Variants in DHRSX observed in about 807,000 individuals in gnomAD.
The protein encoded by DHRSX is polyprenol dehydrogenase.
Under a neutral mutation model 34.0 loss-of-function variants are expected in DHRSX, and 31 were observed. That is an observed-to-expected ratio of 0.91 (90% CI 0.69 to 1.23). The LOEUF is 1.23. Ranked by LOEUF, DHRSX falls within the 50% of genes most tolerant of loss-of-function variation. DHRSX has a pLI of 0.00. For synonymous variants in DHRSX, 201 were observed against 183.8 expected (o/e 1.09, Z -0.76); for missense variants, 414 against 428.1 (o/e 0.97, Z 0.29).
chrX:2,492,007 G>A (rs1165304212), intron 1 of DHRSX, among the ~76,000 whole-genome samples: 1 of 152,182 alleles, frequency 6.6e-6, no homozygotes. Flanking sequence ...CAAGTGTCCA[G>A]TACAGTGCTC....
At chrX:2,308,344 G>C (rs1327362099) in intron 3 of DHRSX, among the ~76,000 whole-genome samples, 1 of 152,114 alleles carries the variant, frequency 6.6e-6, no homozygotes, top group African/African-American at 2.4e-5. Context: ...AAGATACAGA[G>C]TATTAAAAAG....
chrX:2,443,012 G>T (rs1185443980), intron 1 of DHRSX, among the ~76,000 whole-genome samples: 1 of 152,076 alleles, frequency 6.6e-6, no homozygotes, highest in Non-Finnish European at 1.5e-5. Flanking sequence ...GGGAGGCGGA[G>T]TTTCTCAACC....
chrX:2,360,534 G>C (rs1403883815), intron 3 of DHRSX, among the ~76,000 whole-genome samples: 1 of 152,100 alleles, frequency 6.6e-6, no homozygotes, highest in Non-Finnish European at 1.5e-5. Context: ...AGTGAGCCAA[G>C]ATCGCGCCAC....
chrX:2,488,776 A>G, intron 1 of DHRSX: 1 of 1,613,874 alleles, frequency 6.2e-7, no homozygotes, highest in Non-Finnish European at 8.5e-7. Flanking sequence ...GGGCGTTCTC[A>G]TACAGAAACA....
In DHRSX at chrX:2,492,775, G is replaced by A. The variant is rs1159390092; in HGVS notation, c.109+8042C>T. Reference sequence around the variant, plus strand: ...GGAAGCACCCTCCGCGTAAGCCTCCGGAGGGAGCGCAGCCCTGAGACACTT... The same window carrying A: ...GGAAGCACCCTCCGCGTAAGCCTCCAGAGGGAGCGCAGCCCTGAGACACTT... On this transcript the variant is annotated intron_variant, in intron 1 of 6. Coordinates refer to ENST00000334651, the MANE Select transcript of DHRSX (RefSeq NM_145177.3). 4.6e-5 allele frequency among the ~76,000 whole-genome samples: 7 copies of A among 152,326 alleles called. No individual in the cohort carries two copies. In the South Asian group the frequency reaches 8.3e-4, roughly 18 times the overall value.
At chrX:2,380,542 G>C (rs1036132450) in intron 3 of DHRSX, among the ~76,000 whole-genome samples, 1 of 152,088 alleles carries the variant, frequency 6.6e-6, no homozygotes, top group African/African-American at 2.4e-5. Context: ...TTATGGTTTG[G>C]CTCTGTGTCC....
At chrX:2,392,157 C>G (rs2043342507) in intron 3 of DHRSX, among the ~76,000 whole-genome samples, 1 of 152,130 alleles carries the variant, frequency 6.6e-6, no homozygotes, top group Non-Finnish European at 1.5e-5. Flanking sequence ...CATCCTGGTC[C>G]TTCCTGGGGA....
chrX:2,360,937 G>C (rs1465616044), intron 3 of DHRSX, among the ~76,000 whole-genome samples: 1 of 152,100 alleles, frequency 6.6e-6, no homozygotes, highest in Non-Finnish European at 1.5e-5. Flanking sequence ...AGGAAGGATG[G>C]AGCTGGAATT....
intron 1 of DHRSX, among the ~76,000 whole-genome samples, chrX:2,495,665 T>C (rs746067881): frequency 2.6e-5 from 4 of 152,106 alleles, no homozygotes; most frequent in African/African-American, 9.6e-5. Flanking sequence ...TCCTCCTTCC[T>C]CCTCCCTTGC....
intron 3 of DHRSX, among the ~76,000 whole-genome samples, chrX:2,303,951 TGATG>T (rs2042055525): frequency 1.3e-5 from 1 of 78,462 alleles, no homozygotes; most frequent in Admixed American, 1.4e-4. Context: ...ATCGATGGAT[TGATG>T]GATGGATACA....
chrX:2,367,296 C>G lies in DHRSX; in HGVS notation c.286+41449G>C, dbSNP rs750094686. ...CTACTAAAAATACAAAAATTAGCCA[C>G]GCGTGGTGGTAGGTGCCTGTAATCC... On this transcript the variant is annotated intron_variant, in intron 3 of 6. Coordinates refer to ENST00000334651, the MANE Select transcript of DHRSX (RefSeq NM_145177.3). Among the ~76,000 whole-genome samples the G allele has an allele frequency of 1.1e-4, 17 of 151,696 alleles. No individual in the cohort carries two copies. In the South Asian group the frequency reaches 2.9e-3, roughly 26 times the overall value.
chrX:2,251,165 A>G (rs1817726596), intron 5 of DHRSX, among the ~76,000 whole-genome samples: 1 of 152,182 alleles, frequency 6.6e-6, no homozygotes, highest in South Asian at 2.1e-4. Context: ...TCGGGCCTGT[A>G]AAAAATAAAG....
intron 5 of DHRSX, among the ~76,000 whole-genome samples, chrX:2,256,755 TA>T (rs1228021674): frequency 6.6e-6 from 1 of 151,746 alleles, no homozygotes; most frequent in African/African-American, 2.4e-5. Flanking sequence ...TGGCAATGAT[TA>T]TATCAGGCAA....
chrX:2,476,005 C>G (rs2044672996), intron 1 of DHRSX, among the ~76,000 whole-genome samples: 3 of 152,230 alleles, frequency 2.0e-5, no homozygotes, highest in African/African-American at 7.2e-5. Context: ...ACGTCTTTAA[C>G]ATACAAAATC....
In DHRSX at chrX:2,408,779, T is replaced by C; in HGVS notation, c.252A>G (p.Val84=). 4 of 1,612,966 alleles carry C rather than the reference T, an allele frequency of 2.5e-6. No individual in the cohort carries two copies. Among genetic ancestry groups the C allele is most frequent in the Non-Finnish European group, 3.4e-6 (4 of 1,179,650 alleles). ...GNNDSKAKQV[V]SKIKEETLND... ...TCAAGGTTTCTTCTTTTATTTTGCT[T>C]ACAACTTGTTTGGCTTTGCTGTCAT... Residue 84 remains valine, a synonymous_variant, in exon 3 of 7, where the codon GTA becomes GTG. Coordinates refer to ENST00000334651, the MANE Select transcript of DHRSX (RefSeq NM_145177.3).
chrX:2,408,625 A>T, intron 3 of DHRSX, 120 bp downstream of exon 3: 1 of 850,306 alleles, frequency 1.2e-6, no homozygotes, highest in Non-Finnish European at 1.9e-6. Context: ...TGCAAAAATC[A>T]GAGCCATCTC....
intron 3 of DHRSX, among the ~76,000 whole-genome samples, chrX:2,300,645 C>G (rs1284520849): frequency 3.9e-5 from 6 of 152,158 alleles, no homozygotes; most frequent in African/African-American, 1.4e-4. Context: ...GCTTCCTGCC[C>G]TCAAAAATTG....
At chrX:2,249,935 T>C (rs1179999463) in intron 5 of DHRSX, among the ~76,000 whole-genome samples, 1 of 151,714 alleles carries the variant, frequency 6.6e-6, no homozygotes, top group Admixed American at 6.6e-5. Flanking sequence ...AGGCCAAGGC[T>C]GGCAGATCAC....
At chrX:2,329,771 GTTGT>G (rs931465724) in intron 3 of DHRSX, among the ~76,000 whole-genome samples, 16 of 152,172 alleles carry the variant, frequency 1.1e-4, no homozygotes, top group Admixed American at 7.9e-4. Flanking sequence ...CTTCACTTTA[GTTGT>G]TTGTTTCCTG....
Sources: gnomAD v4.1 joint callset for allele counts (sites outside exome capture counted in the v4.1 genomes callset) on GRCh38, gnomAD v4.1.1 for gene constraint, MANE v1.5 for transcripts, NCBI Gene and HGNC (gene_info 2026-07-23, HGNC 2026-07-21) for gene names.